CFAP46: variants seen among roughly 807,000 people sequenced by gnomAD.
The protein encoded by CFAP46 is cilia and flagella associated protein 46, also known as cilia- and flagella-associated protein 46.
In CFAP46, 245 loss-of-function variants were observed where a neutral mutation model predicts 325.7. The ratio of observed to expected loss-of-function variants is 0.75; its 90% CI spans 0.68 to 0.84. The LOEUF is 0.84. Among genes scored for constraint, CFAP46 ranks in the 40% least tolerant of loss-of-function variants. The pLI is 0.00. For missense variants in CFAP46, 3,346 were observed against 3,543.0 expected, an observed-to-expected ratio of 0.94 and a Z score of 1.41; for synonymous variants, 1,523 against 1,495.9, an observed-to-expected ratio of 1.02 and a Z score of -0.42.
rs1413872404 is a variant in CFAP46, at chr10:132,877,896, G to C, written c.4197C>G (p.Val1399=). Residue 1399 remains valine, a synonymous_variant, in exon 30 of 58, where the codon GTC becomes GTG. Transcript: ENST00000368586. The surrounding 1 kb of genome is among the most constrained non-coding windows in gnomAD (Gnocchi z 5.7). Reference sequence around the variant, plus strand: ...TGGGCATCACCTGCTTGGGCTCCTTGACTTTCTCCTCCTTTCCCTTCTCCT... The same window carrying C: ...TGGGCATCACCTGCTTGGGCTCCTTCACTTTCTCCTCCTTTCCCTTCTCCT... ...KDKEKGKEEK[V]KEPKQSQSPA... is the part of the protein sequence containing the mutation. 6.5e-7 allele frequency: 1 copy of C among 1,542,440 alleles called. No homozygotes were observed. Among genetic ancestry groups the C allele is most frequent in the Non-Finnish European group, 8.7e-7 (1 of 1,143,788 alleles).
intron 41 of CFAP46, among the ~76,000 whole-genome samples, chr10:132,849,803 A>T (rs144079168): frequency 1.3e-5 from 2 of 152,274 alleles, no homozygotes; most frequent in Non-Finnish European, 2.9e-5. Flanking sequence ...GTGCACTGGC[A>T]TGGGGGCCAC....
chr10:132,922,388 G>A, intron 12 of CFAP46, 92 bp downstream of exon 12: 1 of 1,454,502 alleles, frequency 6.9e-7, no homozygotes, highest in Non-Finnish European at 9.1e-7. Context: ...GCAGCCCTGG[G>A]CGGCTCCCGC....
Position 132,878,063 on chromosome 10 carries a change from A to G in CFAP46, c.4030T>C (p.Ser1344Pro), listed in dbSNP as rs1453305799. Residue 1344 changes from serine (S) to proline (P), a missense_variant, in exon 30 of 58, where the codon TCA becomes CCA. By Grantham distance (74) the Ser-to-Pro change is moderately conservative. Transcript: ENST00000368586. ...GCCAGGGGTCTGTTTTCCAGAACTGATTTTCCTGCTGTCATCAAAGAAACC... is the reference window on the plus strand; with the variant it reads ...GCCAGGGGTCTGTTTTCCAGAACTGGTTTTCCTGCTGTCATCAAAGAAACC... ...WQVSLMTAGK[S>P]VLENRPLAAT... The G allele has an allele frequency of 6.5e-7, 1 of 1,548,786 alleles. No individual in the cohort carries two copies. The highest frequency in any genetic ancestry group is 2.0e-5 in the Admixed American group (1 of 50,878).
chr10:132,899,609 C>A lies in CFAP46; in HGVS notation c.2982G>T (p.Arg994Ser). 1.9e-6 allele frequency: 3 copies of A among 1,550,244 alleles called. No homozygotes were observed. Among genetic ancestry groups the A allele is most frequent in the African/African-American group, 2.7e-5 (2 of 73,182 alleles). ...GGCCCTTCAGGTTTTCCATGATGCT[C>A]CTGCCCTGGATGGCCGTGGCTGTGC... ...MLCTATAIQG[R>S]SIMENLKGRK... is the part of the protein sequence containing the mutation. Residue 994 changes from arginine (R) to serine (S), a missense_variant, in exon 23 of 58, where the codon AGG becomes AGT. By Grantham distance (110) the Arg-to-Ser change is moderately radical. Coordinates refer to ENST00000368586, the MANE Select transcript of CFAP46 (RefSeq NM_001200049.3).
intron 41 of CFAP46, among the ~76,000 whole-genome samples, chr10:132,849,816 C>T (rs1368996393): frequency 2.0e-5 from 3 of 152,184 alleles, no homozygotes; most frequent in Non-Finnish European, 2.9e-5. Flanking sequence ...GGGGCCACGG[C>T]GCCCGGTGCT....
Position 132,847,213 on chromosome 10 carries a change from GCTC to G in CFAP46, c.6058_6060del (p.Glu2020del). 1 of 1,612,834 alleles carries G rather than the reference GCTC, an allele frequency of 6.2e-7. No individual in the cohort carries two copies. Among genetic ancestry groups the G allele is most frequent in the Non-Finnish European group, 8.5e-7 (1 of 1,179,904 alleles). On this transcript the variant is annotated inframe_deletion, in exon 42 of 58. Transcript: ENST00000368586. This position sits in a 1 kb window ranked among gnomAD's most constrained non-coding sequence, Gnocchi z 5.2. ...TTCAGGTCCTCGCCTCTCCTGCAGT[GCTC>G]CTCCGGGGCTGCCCTGGAGGCCGGC... is the stretch of plus-strand genomic sequence containing the variant.
chr10:132,878,159 C>A, intron 29 of CFAP46, 72 bp from the exon 30 acceptor site: 1 of 1,407,612 alleles, frequency 7.1e-7, no homozygotes. Flanking sequence ...CCCTCCACTC[C>A]TGGATGAGGG....
chr10:132,876,495 C>T lies in CFAP46; in HGVS notation c.4362+317G>A, dbSNP rs776111746. ...CCCAGGGACACTGATTTTCGGCTTC[C>T]GGCCTCCAGAACCATGAGGGGATCA... is the stretch of plus-strand genomic sequence containing the variant. On this transcript the variant is annotated intron_variant, in intron 31 of 57. Coordinates refer to ENST00000368586, the MANE Select transcript of CFAP46 (RefSeq NM_001200049.3). The surrounding 1 kb of genome is among the most constrained non-coding windows in gnomAD (Gnocchi z 4.1). 5.3e-5 allele frequency among the ~76,000 whole-genome samples: 8 copies of T among 152,210 alleles called. No individual in the cohort carries two copies. Among genetic ancestry groups the T allele is most frequent in the Non-Finnish European group, 8.8e-5 (6 of 68,036 alleles).
In CFAP46 at chr10:132,811,035, C is replaced by T. The variant is rs781694006; in HGVS notation, c.7502-4G>A. Reference sequence around the variant, plus strand: ...AGCAGGACTGCCACCTGGCACTCTGCCGGGACGGGAAGGGCAGCTCAGCAG... The same window carrying T: ...AGCAGGACTGCCACCTGGCACTCTGTCGGGACGGGAAGGGCAGCTCAGCAG... On this transcript the variant is annotated splice_polypyrimidine_tract_variant and splice_region_variant and intron_variant, in intron 55 of 57. Coordinates refer to ENST00000368586, the MANE Select transcript of CFAP46 (RefSeq NM_001200049.3). 2.8e-5 allele frequency: 44 copies of T among 1,585,328 alleles called. No homozygotes were observed. Among genetic ancestry groups the T allele is most frequent in the Non-Finnish European group, 3.4e-5 (40 of 1,166,356 alleles).
Position 132,922,626 on chromosome 10 carries a change from C to T in CFAP46, c.1339G>A (p.Glu447Lys), listed in dbSNP as rs1284386653. 3.0e-5 allele frequency: 47 copies of T among 1,549,680 alleles called. No homozygotes were observed. Among genetic ancestry groups the T allele is most frequent in the Non-Finnish European group, 3.8e-5 (44 of 1,146,856 alleles). ...AGGCGCGCGGCTTTCCGGAGGTGCT[C>T]CGTGGCGGGCTCCAGCCGGTCCTCG... ...EDEDRLEPATEHLRKAARLDS... is the reference protein window; with the variant it reads ...EDEDRLEPATKHLRKAARLDS... Residue 447 changes from glutamate (E) to lysine (K), a missense_variant, in exon 12 of 58, where the codon GAG becomes AAG. Transcript: ENST00000368586.
chr10:132,885,286 G>C lies in CFAP46; in HGVS notation c.3444C>G (p.Leu1148=). Reference sequence around the variant, plus strand: ...CGATGACCATGTGCTTGAAGATCAAGCTAAAGAAAGGGAAGGTGAGAAACC... The same window carrying C: ...CGATGACCATGTGCTTGAAGATCAACCTAAAGAAAGGGAAGGTGAGAAACC... ...VQVLPRTAHR[L]LIFKHMVIVK... is the part of the protein sequence containing the mutation. The change falls in exon 27 of 58, where the codon CTC becomes CTG. Residue 1148 remains leucine (L), a splice_region_variant and synonymous_variant. Transcript: ENST00000368586. 6.5e-7 allele frequency: 1 copy of C among 1,541,756 alleles called. No homozygotes were observed. The highest frequency in any genetic ancestry group is 8.8e-7 in the Non-Finnish European group (1 of 1,140,840).
At chr10:132,822,211 CTGATGTGTGCTGTGTGCGG>C (rs1847866731) in intron 50 of CFAP46, among the ~76,000 whole-genome samples, 1 of 114,726 alleles carries the variant, frequency 8.7e-6, no homozygotes, top group African/African-American at 3.8e-5. Flanking sequence ...TGTGTGTGTG[CTGATGTGTGCTGTGTGCGG>C]TGATGTGTGC....
At chr10:132,922,396 C>A in intron 12 of CFAP46, 84 bp downstream of exon 12, 1 of 1,458,194 alleles carries the variant, frequency 6.9e-7, no homozygotes. Context: ...GGGCGGCTCC[C>A]GCCCTGCTGT....
chr10:132,890,540 C>A (rs1437313673), intron 25 of CFAP46, among the ~76,000 whole-genome samples: 1 of 151,960 alleles, frequency 6.6e-6, no homozygotes, highest in Admixed American at 6.6e-5. Flanking sequence ...AGTGCGGAGT[C>A]CCCCCCAGAG....
Position 132,857,659 on chromosome 10 carries a change from C to T in CFAP46, c.5505G>A (p.Leu1835=). 1.2e-6 allele frequency: 2 copies of T among 1,613,194 alleles called. No homozygotes were observed. Among genetic ancestry groups the T allele is most frequent in the African/African-American group, 1.3e-5 (1 of 75,028 alleles). ...RLHSIQGLYG[L]AQGAMAEEEG... ...CTTCCTCAGCCATGGCGCCCTGGGC[C>T]AGGCCATATAAGCCCTGGATGCTGT... Residue 1835 remains leucine (L), a synonymous_variant, in exon 39 of 58, where the codon CTG becomes CTA. Coordinates refer to ENST00000368586, the MANE Select transcript of CFAP46 (RefSeq NM_001200049.3).
intron 50 of CFAP46, among the ~76,000 whole-genome samples, chr10:132,823,630 T>C (rs1665604246): frequency 8.3e-6 from 1 of 120,586 alleles, no homozygotes; most frequent in Admixed American, 8.1e-5. Context: ...CTGTGTGCTG[T>C]GTGAGTGCTG....
intron 7 of CFAP46, among the ~76,000 whole-genome samples, chr10:132,936,059 T>C (rs1383345598): frequency 3.4e-4 from 10 of 29,532 alleles, no homozygotes; most frequent in African/African-American, 1.8e-3. Flanking sequence ...CCAAACACAC[T>C]GTGATCTCCT....
At position 132,942,537 on chromosome 10, in the gene CFAP46, C is replaced by A; in HGVS notation, c.-53G>T. The A allele has an allele frequency of 1.6e-6, 2 of 1,241,216 alleles. No homozygotes were observed. The highest frequency in any genetic ancestry group is 3.2e-5 in the East Asian group (1 of 31,710). 76.9% of individuals were successfully genotyped at this position (1,241,216 alleles called of 1,614,324 possible). A position where few individuals can be genotyped will look rare whatever the true frequency, so the allele number is the denominator to read the frequency against. On this transcript the variant is annotated 5_prime_UTR_variant, in exon 1 of 58. Transcript: ENST00000368586. ...CTCCGGGGTCCGCGGTGCGTCCTGC[C>A]GCCCACTGTCGGTTGGGTTCTCCAG...
At chr10:132,810,583 A>G (rs1847559826) in intron 56 of CFAP46, 94 bp from the exon 57 acceptor site, 3 of 1,106,082 alleles carry the variant, frequency 2.7e-6, no homozygotes, top group African/African-American at 1.6e-5. Flanking sequence ...GGGCCCACGC[A>G]CTTTCCCATA....
Sources: gnomAD v4.1 joint callset for allele counts (sites outside exome capture counted in the v4.1 genomes callset) on GRCh38, gnomAD v4.1.1 for gene constraint, Gnocchi (gnomAD v3.1) non-coding constraint, MANE v1.5 for transcripts, NCBI Gene and HGNC (gene_info 2026-07-23, HGNC 2026-07-21) for gene names.